TYRO3: variants seen among roughly 807,000 people sequenced by gnomAD.
TYRO3 encodes the protein tyrosine-protein kinase receptor TYRO3.
In TYRO3, 38 loss-of-function variants were observed where a neutral mutation model predicts 95.2. The observed-to-expected ratio is 0.40, with a 90% CI of 0.31 to 0.52. The LOEUF (loss-of-function observed/expected upper bound fraction) is 0.52, where lower values mean the gene tolerates loss of function less well. Ranked by LOEUF, TYRO3 falls within the 20% of genes least tolerant of loss-of-function variation. TYRO3 has a pLI of 0.56. For missense variants in TYRO3, 812 were observed against 1,116.4 expected, an observed-to-expected ratio of 0.73 and a Z score of 3.89; for synonymous variants, 367 against 432.9, an observed-to-expected ratio of 0.85 and a Z score of 1.89.
In TYRO3 at chr15:41,573,326, A is replaced by G; in HGVS notation, c.2004A>G (p.Thr668=). The G allele has an allele frequency of 6.2e-7, 1 of 1,614,172 alleles. No homozygotes were observed. The highest frequency in any genetic ancestry group is 8.5e-7 in the Non-Finnish European group (1 of 1,180,022). ...ARNCMLAEDM[T]VCVADFGLSR... Reference sequence around the variant, plus strand: ...CTTGTAGGCTGGCAGAGGACATGACAGTGTGTGTGGCTGACTTCGGACTCT... The same window carrying G: ...CTTGTAGGCTGGCAGAGGACATGACGGTGTGTGTGGCTGACTTCGGACTCT... Residue 668 remains threonine, a synonymous_variant, in exon 17 of 19, where the codon ACA becomes ACG. Transcript: ENST00000263798.
At position 41,582,926 on chromosome 15, in the gene TYRO3, T is replaced by C. The variant is rs2055936007; in HGVS notation, c.*4650T>C. 6.6e-6 allele frequency: 1 copy of C among 151,036 alleles called. No homozygotes were observed. Among genetic ancestry groups the C allele is most frequent in the Non-Finnish European group, 1.5e-5 (1 of 67,854 alleles). 9.4% of individuals were successfully genotyped at this position (151,036 alleles called of 1,614,324 possible). On this transcript the variant is annotated 3_prime_UTR_variant, in exon 19 of 19. Coordinates refer to ENST00000263798, the MANE Select transcript of TYRO3 (RefSeq NM_006293.4). ...CTGGAGTAAAGTGATAGTAAACTGA[T>C]TCTCCCACCTCAGCGTCCTGAATAG... is the stretch of plus-strand genomic sequence containing the variant.
In TYRO3 at chr15:41,559,321, C is replaced by T; in HGVS notation, c.64C>T (p.Arg22Trp). 5.3e-6 allele frequency: 3 copies of T among 571,000 alleles called. No individual in the cohort carries two copies. The highest frequency in any genetic ancestry group is 7.6e-6 in the Non-Finnish European group (3 of 395,544). The allele number at this position is 571,000 out of a possible 1,614,324, so 35.4% of individuals were successfully genotyped here. A position where few individuals can be genotyped will look rare whatever the true frequency, so the allele number is the denominator to read the frequency against. Residue 22 changes from arginine to tryptophan, a missense_variant, in exon 1 of 19, where the codon CGG becomes TGG. Physicochemically the swap from Arg to Trp is moderately radical, Grantham distance 101 (BLOSUM62 -3). Coordinates refer to ENST00000263798, the MANE Select transcript of TYRO3 (RefSeq NM_006293.4). Reference sequence around the variant, plus strand: ...GCCGCTGCCGCTGCCGCCGCCACCGCGGCTCGGGCTGCTGCTGGCGGCTCT... The same window carrying T: ...GCCGCTGCCGCTGCCGCCGCCACCGTGGCTCGGGCTGCTGCTGGCGGCTCT... ...LPPLPLPPPPRLGLLLAALAS... is the reference protein window; with the variant it reads ...LPPLPLPPPPWLGLLLAALAS...
At chr15:41,569,967 A>G in intron 9 of TYRO3, 60 bp from the exon 10 acceptor site, 1 of 1,563,434 alleles carries the variant, frequency 6.4e-7, no homozygotes, top group Non-Finnish European at 8.6e-7. Flanking sequence ...ATCCTGGGAA[A>G]GTTCTGAAGG....
intron 15 of TYRO3, 128 bp downstream of exon 15, chr15:41,572,692 G>A (rs1181111027): frequency 2.2e-5 from 27 of 1,229,718 alleles, no homozygotes; most frequent in Non-Finnish European, 3.0e-5. Context: ...AGTAGGAGGG[G>A]TCTGAGTTTG....
intron 15 of TYRO3, 59 bp downstream of exon 15, chr15:41,572,623 AG>A: frequency 1.2e-6 from 2 of 1,607,032 alleles, no homozygotes; most frequent in South Asian, 2.2e-5. Context: ...GGGCCTGGAA[AG>A]GCATAGAGAC....
chr15:41,574,431 G>C (rs2055837956), intron 18 of TYRO3, among the ~76,000 whole-genome samples: 1 of 152,192 alleles, frequency 6.6e-6, no homozygotes, highest in Non-Finnish European at 1.5e-5. Flanking sequence ...CATTAGCTGG[G>C]CATTTAGGCA....
intron 13 of TYRO3, 161 bp from the exon 14 acceptor site, chr15:41,571,434 A>C (rs2055794166): frequency 3.2e-6 from 2 of 627,884 alleles, no homozygotes; most frequent in African/African-American, 3.7e-5. Flanking sequence ...AGAAGTTGCT[A>C]AGTATCACCA....
chr15:41,566,211 G>A (rs1217998510), intron 6 of TYRO3, among the ~76,000 whole-genome samples: 1 of 151,744 alleles, frequency 6.6e-6, no homozygotes, highest in East Asian at 1.9e-4. Flanking sequence ...TATTCAGGAG[G>A]CTAGAGTGGG....
At chr15:41,572,899 G>A (rs1595504721) in intron 15 of TYRO3, 103 bp from the exon 16 acceptor site, 8 of 932,938 alleles carry the variant, frequency 8.6e-6, no homozygotes, top group Admixed American at 7.5e-5. Flanking sequence ...TCCTTCCAGT[G>A]ATTCTGGGGA....
At chr15:41,559,924 G>T (rs1448130759) in intron 1 of TYRO3, among the ~76,000 whole-genome samples, 3 of 152,250 alleles carry the variant, frequency 2.0e-5, no homozygotes, top group African/African-American at 7.2e-5. Context: ...CTGGTGCCAG[G>T]TTGCTGGTCT....
intron 1 of TYRO3, 90 bp from the exon 2 acceptor site, chr15:41,561,037 C>T: frequency 7.2e-7 from 1 of 1,390,840 alleles, no homozygotes; most frequent in Non-Finnish European, 9.9e-7. Flanking sequence ...CTCTGTCTGA[C>T]ACAGAAGCTA....
At position 41,581,013 on chromosome 15, in the gene TYRO3, C is replaced by T. The variant is rs981572382; in HGVS notation, c.*2737C>T. 1 of 152,130 alleles carries T rather than the reference C, an allele frequency of 6.6e-6. No homozygotes were observed. The highest frequency in any genetic ancestry group is 1.5e-5 in the Non-Finnish European group (1 of 67,974). 9.4% of individuals were successfully genotyped at this position (152,130 alleles called of 1,614,324 possible). A position where few individuals can be genotyped will look rare whatever the true frequency, so the allele number is the denominator to read the frequency against. ...CGAGACCAGCCTGGGCAACATGAAA[C>T]CCCATCTCAACTAAAAATTCAAAAA... On this transcript the variant is annotated 3_prime_UTR_variant, in exon 19 of 19. Coordinates refer to ENST00000263798, the MANE Select transcript of TYRO3 (RefSeq NM_006293.4).
At chr15:41,562,483 T>G in intron 3 of TYRO3, 65 bp from the exon 4 acceptor site, 1 of 1,442,840 alleles carries the variant, frequency 6.9e-7, no homozygotes, top group Non-Finnish European at 9.4e-7. Flanking sequence ...TAAACAGACT[T>G]GTGATTTGTA....
chr15:41,570,704 G>A lies in TYRO3; in HGVS notation c.1579+5G>A. On this transcript the variant is annotated splice_donor_5th_base_variant and intron_variant, in intron 12 of 18. Transcript: ENST00000263798. ...TGGGCCGGATGTTGGGCAAAGGTATGTGAGGCTGTGTGGGGATGGGCATGG... is the reference window on the plus strand; with the variant it reads ...TGGGCCGGATGTTGGGCAAAGGTATATGAGGCTGTGTGGGGATGGGCATGG... The A allele has an allele frequency of 1.3e-6, 2 of 1,597,764 alleles. No homozygotes were observed. Among genetic ancestry groups the A allele is most frequent in the Non-Finnish European group, 1.7e-6 (2 of 1,166,408 alleles).
At chr15:41,565,858 A>G (rs1225828940) in intron 6 of TYRO3, among the ~76,000 whole-genome samples, 1 of 152,102 alleles carries the variant, frequency 6.6e-6, no homozygotes, top group Non-Finnish European at 1.5e-5. Context: ...AGCCTTGGAG[A>G]GTGGAAAAAC....
chr15:41,569,295 A>AC (rs139524431), intron 9 of TYRO3, among the ~76,000 whole-genome samples: 33,623 of 121,880 alleles, frequency 0.28, 4,248 homozygotes, highest in Middle Eastern at 0.36. Context: ...CTACAAAAAA[A>AC]TTAAAAAAAA....
Position 41,559,307 on chromosome 15 carries a change from T to TGCCGCC in TYRO3, c.54_59dup (p.Pro20_Pro21dup), listed in dbSNP as rs2052129034. On this transcript the variant is annotated inframe_insertion, in exon 1 of 19. Coordinates refer to ENST00000263798, the MANE Select transcript of TYRO3 (RefSeq NM_006293.4). The stretch of plus-strand genomic sequence containing the variant: ...CGGCCGGGGCTCCCGCCGCTGCCGC[T>TGCCGCC]GCCGCCGCCACCGCGGCTCGGGCTG... The TGCCGCC allele has an allele frequency of 3.1e-6, 2 of 644,546 alleles. No individual in the cohort carries two copies. The highest frequency in any genetic ancestry group is 4.4e-6 in the Non-Finnish European group (2 of 458,892). 39.9% of individuals were successfully genotyped at this position (644,546 alleles called of 1,614,324 possible).
At chr15:41,562,357 T>A (rs75334023) in intron 3 of TYRO3, 191 bp from the exon 4 acceptor site, 3 of 390,052 alleles carry the variant, frequency 7.7e-6, no homozygotes, top group Non-Finnish European at 1.3e-5. Context: ...AAAAAAAAAT[T>A]CCTAAGGAGC....
rs1174966729 is a variant in TYRO3 at position 41,578,147 on chromosome 15, G to A, written c.2544G>A (p.Arg848=). The stretch of plus-strand genomic sequence containing the variant: ...TGGGTGGCACTCCCAGTGACTGTCG[G>A]TACATACTCACCCCCGGAGGGCTGG... ...GAVGGTPSDC[R]YILTPGGLAE... Residue 848 remains arginine, a synonymous_variant, in exon 19 of 19, where the codon CGG becomes CGA. Coordinates refer to ENST00000263798, the MANE Select transcript of TYRO3 (RefSeq NM_006293.4). 7 of 1,613,948 alleles carry A rather than the reference G, an allele frequency of 4.3e-6. No individual in the cohort carries two copies. Among genetic ancestry groups the A allele is most frequent in the Non-Finnish European group, 5.1e-6 (6 of 1,180,036 alleles).
Sources: allele counts gnomAD v4.1 joint callset (sites outside exome capture counted in the v4.1 genomes callset), GRCh38; gene constraint gnomAD v4.1.1; transcripts MANE v1.5; gene names NCBI Gene and HGNC (gene_info 2026-07-23, HGNC 2026-07-21).